The following PARN variants were observed in gnomAD, a reference collection of about 807,000 sequenced individuals.
The protein encoded by PARN is poly(A)-specific ribonuclease, also known as poly(A)-specific ribonuclease PARN.
Under a neutral mutation model 102.8 loss-of-function variants are expected in PARN, and 71 were observed. The observed-to-expected ratio is 0.69, with a 90% confidence interval of 0.57 to 0.84. PARN has a LOEUF of 0.84. Among genes scored for constraint, PARN ranks in the 40% least tolerant of loss-of-function variants. The pLI is 0.00. For missense variants in PARN, 782 were observed against 760.9 expected (o/e 1.03, Z -0.33); for synonymous variants, 261 against 252.9 (o/e 1.03, Z -0.30).
intron 18 of PARN, chr16:14,558,579 T>A (rs1967855102): frequency 1.3e-5 from 2 of 152,056 alleles, no homozygotes; most frequent in Non-Finnish European, 2.9e-5. Context: ...AAATGTTCAC[T>A]GCTATACCAT....
intron 23 of PARN, among the ~76,000 whole-genome samples, chr16:14,445,400 T>C (rs1028676136): frequency 6.6e-6 from 1 of 152,186 alleles, no homozygotes; most frequent in Non-Finnish European, 1.5e-5. Flanking sequence ...ATAGCTTGGG[T>C]ATGAATCAAG....
At chr16:14,474,813 C>T (rs949110997) in intron 22 of PARN, among the ~76,000 whole-genome samples, 7 of 152,226 alleles carry the variant, frequency 4.6e-5, no homozygotes, top group African/African-American at 1.7e-4. Context: ...AGACAGAAAA[C>T]ACTTGCTCCA....
intron 21 of PARN, among the ~76,000 whole-genome samples, chr16:14,522,924 A>G (rs1207162962): frequency 6.6e-6 from 1 of 152,226 alleles, no homozygotes; most frequent in Non-Finnish European, 1.5e-5. Context: ...AAGTGGACCC[A>G]ATTCACCATT....
chr16:14,526,865 G>A (rs1313351901), intron 21 of PARN, among the ~76,000 whole-genome samples: 1 of 152,126 alleles, frequency 6.6e-6, no homozygotes, highest in African/African-American at 2.4e-5. Context: ...TCTCTTGTCA[G>A]GCAAGAACCA....
chr16:14,522,247 C>T (rs929198032), intron 21 of PARN, among the ~76,000 whole-genome samples: 2 of 152,176 alleles, frequency 1.3e-5, no homozygotes, highest in Admixed American at 6.5e-5. Context: ...ACATCAAGAA[C>T]CAAACAGAAT....
chr16:14,543,465 T>C (rs183586937), intron 21 of PARN, among the ~76,000 whole-genome samples: 1 of 152,156 alleles, frequency 6.6e-6, no homozygotes, highest in African/African-American at 2.4e-5. Context: ...TAAAGTAAAA[T>C]TGTAACACCA....
intron 21 of PARN, among the ~76,000 whole-genome samples, chr16:14,522,848 C>G (rs1368558905): frequency 6.6e-6 from 1 of 152,192 alleles, no homozygotes; most frequent in Non-Finnish European, 1.5e-5. Context: ...AATCTCATCT[C>G]AAGCCTGCTC....
At chr16:14,517,958 T>C (rs933505602) in intron 21 of PARN, among the ~76,000 whole-genome samples, 3 of 152,094 alleles carry the variant, frequency 2.0e-5, no homozygotes, top group African/African-American at 7.2e-5. Context: ...TGAGCCACCA[T>C]GCCTGGCCAA....
At chr16:14,498,767 T>C (rs1964444055) in intron 21 of PARN, among the ~76,000 whole-genome samples, 1 of 152,264 alleles carries the variant, frequency 6.6e-6, no homozygotes, top group Non-Finnish European at 1.5e-5. Flanking sequence ...ATTTACTTGT[T>C]GTAACTGGCA....
At chr16:14,452,982 G>T (rs974410550) in intron 22 of PARN, among the ~76,000 whole-genome samples, 1 of 152,156 alleles carries the variant, frequency 6.6e-6, no homozygotes, top group Non-Finnish European at 1.5e-5. Context: ...ATGTGCATGC[G>T]TGTGTGTAGC....
intron 21 of PARN, among the ~76,000 whole-genome samples, chr16:14,517,847 T>A (rs1199233612): frequency 2.6e-5 from 4 of 151,948 alleles, no homozygotes; most frequent in Non-Finnish European, 5.9e-5. Context: ...CCCAGCTAAT[T>A]TTTTTGTATT....
chr16:14,613,889 A>G (rs1971691783), intron 6 of PARN, among the ~76,000 whole-genome samples: 1 of 152,208 alleles, frequency 6.6e-6, no homozygotes, highest in South Asian at 2.1e-4. Context: ...ATGGAAGTCA[A>G]CAGATTGCTG....
intron 22 of PARN, among the ~76,000 whole-genome samples, chr16:14,454,344 T>TC (rs1466550434): frequency 1.3e-5 from 2 of 152,218 alleles, no homozygotes; most frequent in Non-Finnish European, 2.9e-5. Context: ...GAAATTTTTT[T>TC]CCACAGTGTG....
intron 21 of PARN, among the ~76,000 whole-genome samples, chr16:14,526,730 G>A (rs1485596220): frequency 6.6e-6 from 1 of 152,178 alleles, no homozygotes; most frequent in East Asian, 1.9e-4. Flanking sequence ...AACAGTTGTA[G>A]CCATCCTATG....
intron 22 of PARN, among the ~76,000 whole-genome samples, chr16:14,467,053 C>T (rs1482311518): frequency 6.6e-6 from 1 of 152,188 alleles, no homozygotes; most frequent in African/African-American, 2.4e-5. Flanking sequence ...CCTGATGCCC[C>T]TGCAGGCAAA....
At chr16:14,558,375 G>C (rs1297607132) in intron 18 of PARN, 1 of 152,132 alleles carries the variant, frequency 6.6e-6, no homozygotes, top group East Asian at 1.9e-4. Context: ...GCGAGCACCT[G>C]TAATCCCAGC....
chr16:14,589,275 G>C (rs1479819539), intron 13 of PARN, among the ~76,000 whole-genome samples: 1 of 152,092 alleles, frequency 6.6e-6, no homozygotes, highest in African/African-American at 2.4e-5. Flanking sequence ...AGAAGTGGGT[G>C]ATCTGGCCAG....
chr16:14,544,298 G>C (rs1172501040), intron 21 of PARN, among the ~76,000 whole-genome samples: 1 of 152,196 alleles, frequency 6.6e-6, no homozygotes, highest in Non-Finnish European at 1.5e-5. Context: ...AGTTTGGCTG[G>C]GTGTGGCGGC....
At chr16:14,448,489 T>C (rs1961301316) in intron 22 of PARN, among the ~76,000 whole-genome samples, 1 of 152,146 alleles carries the variant, frequency 6.6e-6, no homozygotes, top group Non-Finnish European at 1.5e-5. Context: ...GGTTTCACCA[T>C]GTTGGCCAAG....
Sources: allele counts gnomAD v4.1 joint callset (sites outside exome capture counted in the v4.1 genomes callset), GRCh38; gene constraint gnomAD v4.1.1; transcripts MANE v1.5; gene names NCBI Gene and HGNC (gene_info 2026-07-23, HGNC 2026-07-21).